The following DNAH6 variants were observed in gnomAD, a reference collection of about 807,000 sequenced individuals.
DNAH6 encodes the protein dynein axonemal heavy chain 6, also known as axonemal beta dynein heavy chain 6.
In DNAH6, 340 loss-of-function variants were observed where a neutral mutation model predicts 491.4. The ratio of observed to expected loss-of-function variants is 0.69; its 90% CI spans 0.63 to 0.76. DNAH6 has a LOEUF of 0.76. Among genes scored for constraint, DNAH6 ranks in the 30% least tolerant of loss-of-function variants. DNAH6 has a pLI of 0.00. For missense variants in DNAH6, 4,443 were observed against 4,972.2 expected, an observed-to-expected ratio of 0.89 and a Z score of 3.20; for synonymous variants, 1,603 against 1,686.1, an observed-to-expected ratio of 0.95 and a Z score of 1.21.
the DNAH6 span, among the ~76,000 whole-genome samples, chr2:84,466,824 G>A: frequency 6.6e-6 from 1 of 152,190 alleles, no homozygotes; most frequent in African/African-American, 2.4e-5. Flanking sequence ...GATAGCCACA[G>A]TTAAAAACAT....
intron 22 of DNAH6, among the ~76,000 whole-genome samples, chr2:84,614,646 CA>C (rs1230198942): frequency 6.6e-6 from 1 of 152,108 alleles, no homozygotes; most frequent in African/African-American, 2.4e-5. Context: ...TTTACATTCC[CA>C]CCAGCAGTGG....
chr2:84,606,988 G>A lies in DNAH6; in HGVS notation c.3187G>A (p.Asp1063Asn), dbSNP rs1374050446. ...GTDDIQVLLD[D>N]STINVATLAS... ...CCTTCCTTTAAAGGTCCTTCTTGAT[G>A]ATAGCACCATCAATGTTGCAACTCT... The change falls in exon 21 of 77, where the codon GAT becomes AAT. Residue 1063 changes from aspartate (D) to asparagine (N), a missense_variant. By Grantham distance (23) the Asp-to-Asn change is conservative. Coordinates refer to ENST00000389394, the MANE Select transcript of DNAH6 (RefSeq NM_001370.2). 6.4e-7 allele frequency: 1 copy of A among 1,551,094 alleles called. No individual in the cohort carries two copies. The highest frequency in any genetic ancestry group is 2.0e-5 in the Admixed American group (1 of 50,986).
chr2:84,549,784 G>A lies in DNAH6; in HGVS notation c.1317-105G>A, dbSNP rs556935791. ...ATATAATTAAATGGAAATTCAAGGA[G>A]AAATTATGATATTTTACATTTTAAA... On this transcript the variant is annotated intron_variant, in intron 8 of 76. Transcript: ENST00000389394. 16 of 778,120 alleles carry A rather than the reference G, an allele frequency of 2.1e-5. 1 individual carries two copies. The highest frequency in any genetic ancestry group is 1.6e-4 in the South Asian group (7 of 44,312). The allele number at this position is 778,120 out of a possible 1,614,324, so 48.2% of individuals were successfully genotyped here.
At chr2:84,494,599 G>GA in the DNAH6 span, among the ~76,000 whole-genome samples, 2 of 152,086 alleles carry the variant, frequency 1.3e-5, no homozygotes, top group African/African-American at 4.8e-5. Context: ...TCAAACATTA[G>GA]AAAAAAACAC....
chr2:84,709,257 C>T, intron 54 of DNAH6, 86 bp from the exon 55 acceptor site: 11 of 1,374,458 alleles, frequency 8.0e-6, no homozygotes, highest in Non-Finnish European at 1.1e-5. Context: ...CAGCCACTGA[C>T]TTACCACTGC....
the DNAH6 span, among the ~76,000 whole-genome samples, chr2:84,466,208 G>A: frequency 6.6e-6 from 1 of 152,180 alleles, no homozygotes; most frequent in Non-Finnish European, 1.5e-5. Flanking sequence ...GGATTGTGTA[G>A]GCAAGGTATG....
At chr2:84,641,656 G>A (rs1432684480) in intron 32 of DNAH6, among the ~76,000 whole-genome samples, 3 of 152,180 alleles carry the variant, frequency 2.0e-5, no homozygotes, top group South Asian at 2.1e-4. Context: ...AAATCACAGC[G>A]ATAGGAATCA....
chr2:84,654,227 A>G (rs1183868808), intron 34 of DNAH6, among the ~76,000 whole-genome samples: 1 of 152,180 alleles, frequency 6.6e-6, no homozygotes, highest in Admixed American at 6.6e-5. Flanking sequence ...CCACCATGAT[A>G]TGAATATTTG....
intron 64 of DNAH6, among the ~76,000 whole-genome samples, chr2:84,770,766 T>C (rs553423453): frequency 6.7e-6 from 1 of 150,282 alleles, no homozygotes; most frequent in Admixed American, 6.6e-5. Flanking sequence ...AAGGATCATG[T>C]GAAGCTAGGA....
chr2:84,540,540 G>T (rs184580822), intron 4 of DNAH6, among the ~76,000 whole-genome samples: 274 of 152,198 alleles, frequency 1.8e-3, no homozygotes, highest in African/African-American at 6.4e-3. Flanking sequence ...TCAATGAATT[G>T]ATTTCAGGAG....
chr2:84,659,603 G>C (rs1691295637), intron 37 of DNAH6, among the ~76,000 whole-genome samples: 1 of 152,186 alleles, frequency 6.6e-6, no homozygotes, highest in Non-Finnish European at 1.5e-5. Flanking sequence ...TATGGAAGGA[G>C]AAAAATTAGA....
At chr2:84,539,232 T>A (rs1233094155) in intron 4 of DNAH6, among the ~76,000 whole-genome samples, 3 of 152,126 alleles carry the variant, frequency 2.0e-5, no homozygotes, top group Non-Finnish European at 4.4e-5. Context: ...AGCATTTCTC[T>A]TCCCTGGTTT....
At chr2:84,660,011 A>G (rs1691343099) in intron 37 of DNAH6, among the ~76,000 whole-genome samples, 1 of 152,156 alleles carries the variant, frequency 6.6e-6, no homozygotes, top group Admixed American at 6.6e-5. Flanking sequence ...ATGAAAATTG[A>G]TGTGTGTATA....
At chr2:84,793,867 A>C (rs1678032971) in intron 68 of DNAH6, among the ~76,000 whole-genome samples, 1 of 152,234 alleles carries the variant, frequency 6.6e-6, no homozygotes, top group South Asian at 2.1e-4. Flanking sequence ...TCTTGGAAGA[A>C]ATAAATTATT....
At chr2:84,806,394 C>A (rs1238155092) in intron 71 of DNAH6, among the ~76,000 whole-genome samples, 1 of 152,022 alleles carries the variant, frequency 6.6e-6, no homozygotes, top group Admixed American at 6.6e-5. Context: ...CCAAGGCAGG[C>A]GGATCACAAG....
intron 63 of DNAH6, among the ~76,000 whole-genome samples, chr2:84,762,292 GA>G (rs1379774096): frequency 6.6e-6 from 1 of 152,158 alleles, no homozygotes; most frequent in African/African-American, 2.4e-5. Context: ...ATAGTGGCTG[GA>G]AAAGTAGCTG....
intron 65 of DNAH6, among the ~76,000 whole-genome samples, chr2:84,783,087 G>A (rs952270861): frequency 6.6e-6 from 1 of 151,768 alleles, no homozygotes; most frequent in Non-Finnish European, 1.5e-5. Flanking sequence ...GAACCAGTAG[G>A]AAATAAAATA....
At chr2:84,805,904 AC>A in intron 71 of DNAH6, 110 bp downstream of exon 71, 1 of 954,898 alleles carries the variant, frequency 1.0e-6, no homozygotes, top group Non-Finnish European at 1.5e-6. Flanking sequence ...ACTTTTTTTA[AC>A]CTAAAGAGCT....
intron 7 of DNAH6, 61 bp from the exon 8 acceptor site, chr2:84,548,227 A>G (rs1008235899): frequency 6.7e-7 from 1 of 1,495,702 alleles, no homozygotes; most frequent in Non-Finnish European, 9.0e-7. Context: ...TTTGAATCAT[A>G]TTGAAAGAGA....
Sources: allele counts gnomAD v4.1 joint callset (sites outside exome capture counted in the v4.1 genomes callset), GRCh38; gene constraint gnomAD v4.1.1; transcripts MANE v1.5; gene names NCBI Gene and HGNC (gene_info 2026-07-23, HGNC 2026-07-21).